Variants in ZNF333 observed in about 807,000 individuals in gnomAD.
ZNF333 encodes zinc finger protein 333.
ZNF333 carries 61 observed loss-of-function variants against 76.1 expected under a neutral mutation model. The ratio of observed to expected loss-of-function variants is 0.80; its 90% CI spans 0.65 to 0.99. The LOEUF is 0.99. Ranked by LOEUF, ZNF333 falls within the 50% of genes least tolerant of loss-of-function variation. The pLI, the probability that ZNF333 is intolerant of heterozygous loss-of-function variation, is 0.00. For synonymous variants in ZNF333, 284 were observed against 305.0 expected, an observed-to-expected ratio of 0.93 and a Z score of 0.72; for missense variants, 717 against 822.4, an observed-to-expected ratio of 0.87 and a Z score of 1.57.
rs780133406 is a variant in ZNF333, at chr19:14,719,846, G to T, written c.*521G>T. 1.0e-6 allele frequency: 1 copy of T among 986,590 alleles called. No homozygotes were observed. Among genetic ancestry groups the T allele is most frequent in the Non-Finnish European group, 1.2e-6 (1 of 830,872 alleles). The allele number at this position is 986,590 out of a possible 1,614,324, so 61.1% of individuals were successfully genotyped here. On this transcript the variant is annotated 3_prime_UTR_variant, in exon 12 of 12. Transcript: ENST00000292530. ...AAATTACCCCTTCCTCCTTAGAAAA[G>T]AACCTGGGTTTTCTGTTCAGATTGG...
chr19:14,702,734 A>G (rs1216229173), intron 5 of ZNF333, among the ~76,000 whole-genome samples: 1 of 152,178 alleles, frequency 6.6e-6, no homozygotes. Flanking sequence ...CTGCTGATAA[A>G]GAGATACCCG....
chr19:14,700,129 C>T (rs3861316), intron 5 of ZNF333: 18,431 of 152,404 alleles, frequency 0.12, 1,325 homozygotes, highest in African/African-American at 0.2. Context: ...CTCAGCCTCC[C>T]GAGTACCTGG....
downstream of ZNF333, among the ~76,000 whole-genome samples, chr19:14,724,256 TAC>T (rs757802388): frequency 1.3e-5 from 2 of 152,302 alleles, no homozygotes; most frequent in South Asian, 2.1e-4. Flanking sequence ...GTCTGAGAAA[TAC>T]ACACACTTTA....
chr19:14,713,773 CAT>C (rs906973054), intron 7 of ZNF333, among the ~76,000 whole-genome samples: 5 of 151,868 alleles, frequency 3.3e-5, no homozygotes, highest in Admixed American at 1.3e-4. Context: ...GCCTGGGCAA[CAT>C]AGTGAGACCC....
rs868577510 is a variant in ZNF333, at chr19:14,716,855, T to C, written c.728-139T>C. The stretch of plus-strand genomic sequence containing the variant: ...GTATTTAGTTGCTCAGTGGAAGAGT[T>C]TGGCTGTGGCCATCAGAATTTAGGC... On this transcript the variant is annotated intron_variant, in intron 9 of 11. Coordinates refer to ENST00000292530, the MANE Select transcript of ZNF333 (RefSeq NM_032433.4). 46 of 679,526 alleles carry C rather than the reference T, an allele frequency of 6.8e-5. 1 individual carries two copies. Among genetic ancestry groups the C allele is most frequent in the South Asian group, 3.6e-4 (19 of 52,820 alleles). 42.1% of individuals were successfully genotyped at this position (679,526 alleles called of 1,614,324 possible). A position where few individuals can be genotyped will look rare whatever the true frequency, so the allele number is the denominator to read the frequency against.
At chr19:14,727,307 T>C (rs2905824) in intron 11 of ZNF333, among the ~76,000 whole-genome samples, 152,153 of 152,230 alleles carry the variant, frequency 1, 76,038 homozygotes, top group African/African-American at 1. Flanking sequence ...GGATTACAGG[T>C]GTGAGCCACC....
At chr19:14,697,191 T>G (rs1483946228) in intron 4 of ZNF333, among the ~76,000 whole-genome samples, 1 of 152,202 alleles carries the variant, frequency 6.6e-6, no homozygotes, top group South Asian at 2.1e-4. Context: ...GTAGCATGAA[T>G]CAGAACTTAA....
At chr19:14,705,012 T>G in intron 5 of ZNF333, 42 bp from the exon 6 acceptor site, 2 of 1,591,582 alleles carry the variant, frequency 1.3e-6, no homozygotes, top group Non-Finnish European at 1.7e-6. Context: ...ACAGCTGTGG[T>G]GCCAACTCTG....
Position 14,695,102 on chromosome 19 carries a change from G to A in ZNF333, c.96G>A (p.Met32Ile). 1.2e-6 allele frequency: 2 copies of A among 1,614,096 alleles called. No individual in the cohort carries two copies. Among genetic ancestry groups the A allele is most frequent in the South Asian group, 1.1e-5 (1 of 91,086 alleles). Residue 32 changes from methionine to isoleucine, a missense_variant, in exon 3 of 12, where the codon ATG (methionine) becomes ATA (isoleucine). By Grantham distance (10) the Met-to-Ile change is conservative. Coordinates refer to ENST00000292530, the MANE Select transcript of ZNF333 (RefSeq NM_032433.4). ...SARRSLCKYR[M>I]LDQCRTLASR... ...GGAGGAGCCTGTGCAAATACAGGAT[G>A]CTTGACCAGTGCAGGACCCTGGCCT... is the stretch of plus-strand genomic sequence containing the variant.
intron 5 of ZNF333, 70 bp downstream of exon 5, chr19:14,699,351 A>G (rs753608824): frequency 5.1e-5 from 69 of 1,346,866 alleles, no homozygotes; most frequent in Non-Finnish European, 6.7e-5. Flanking sequence ...GTGGAAATAC[A>G]GGACCAGAGC....
chr19:14,730,963 G>T (rs8106583), intron 11 of ZNF333, among the ~76,000 whole-genome samples: 1 of 151,670 alleles, frequency 6.6e-6, no homozygotes, highest in Admixed American at 6.6e-5. Context: ...GCATTCATGT[G>T]GCTGCAAAAC....
rs746672625 is a variant in ZNF333, at chr19:14,695,125, C to A, written c.119C>A (p.Ala40Asp). ...ATGCTTGACCAGTGCAGGACCCTGG[C>A]CTCCAGGGGTAAGGCTGGCGTCACC... ...YRMLDQCRTL[A>D]SRGTPPCKPS... Residue 40 changes from alanine (A) to aspartate (D), a missense_variant, in exon 3 of 12, where the codon GCC becomes GAC. By Grantham distance (126) the Ala-to-Asp change is moderately radical. Coordinates refer to ENST00000292530, the MANE Select transcript of ZNF333 (RefSeq NM_032433.4). 6.2e-7 allele frequency: 1 copy of A among 1,613,498 alleles called. No homozygotes were observed. The highest frequency in any genetic ancestry group is 1.1e-5 in the South Asian group (1 of 91,070).
At chr19:14,690,768 C>T (rs1972705100) in intron 1 of ZNF333, among the ~76,000 whole-genome samples, 1 of 152,174 alleles carries the variant, frequency 6.6e-6, no homozygotes, top group Admixed American at 6.5e-5. Flanking sequence ...TTTTCCATAA[C>T]TTTTTCTTTC....
chr19:14,703,823 C>T (rs1733675299), intron 5 of ZNF333, among the ~76,000 whole-genome samples: 1 of 152,168 alleles, frequency 6.6e-6, no homozygotes, highest in Non-Finnish European at 1.5e-5. Context: ...GGCATGTGGG[C>T]TGTGGGTCAC....
chr19:14,730,918 T>C (rs1282045595), intron 11 of ZNF333, among the ~76,000 whole-genome samples: 1 of 152,006 alleles, frequency 6.6e-6, no homozygotes, highest in African/African-American at 2.4e-5. Context: ...TATTTGGTTT[T>C]CTAAGTTAAT....
intron 11 of ZNF333, among the ~76,000 whole-genome samples, chr19:14,729,119 G>GT (rs1444726673): frequency 2.6e-5 from 4 of 152,140 alleles, no homozygotes; most frequent in Non-Finnish European, 5.9e-5. Context: ...CGGGAAGGCT[G>GT]TTTATAGTAA....
intron 11 of ZNF333, among the ~76,000 whole-genome samples, chr19:14,727,690 C>G (rs1056909202): frequency 2.0e-5 from 3 of 151,612 alleles, no homozygotes; most frequent in African/African-American, 7.3e-5. Context: ...CAAACTATAT[C>G]ATGTACCTAT....
chr19:14,700,952 C>T (rs1236821233), intron 5 of ZNF333, among the ~76,000 whole-genome samples: 1 of 152,182 alleles, frequency 6.6e-6, no homozygotes, highest in East Asian at 1.9e-4. Flanking sequence ...GAAGCCTCAA[C>T]CCTGTGCAGC....
Position 14,721,706 on chromosome 19 carries a change from A to G in ZNF333, c.*2381A>G, listed in dbSNP as rs1599761531. The G allele has an allele frequency of 6.6e-6, 1 of 152,226 alleles. No homozygotes were observed. The highest frequency in any genetic ancestry group is 6.5e-5 in the Admixed American group (1 of 15,276). The allele number at this position is 152,226 out of a possible 1,614,324, so 9.4% of individuals were successfully genotyped here. A position where few individuals can be genotyped will look rare whatever the true frequency, so the allele number is the denominator to read the frequency against. The stretch of plus-strand genomic sequence containing the variant: ...TGAGTTCTGTCCTCCAGGTTCATCC[A>G]TGTTATCACAAATGACAGAATTTCC... On this transcript the variant is annotated 3_prime_UTR_variant, in exon 12 of 12. Transcript: ENST00000292530.
Sources: gnomAD v4.1 joint callset for allele counts (sites outside exome capture counted in the v4.1 genomes callset) on GRCh38, gnomAD v4.1.1 for gene constraint, MANE v1.5 for transcripts, NCBI Gene and HGNC (gene_info 2026-07-23, HGNC 2026-07-21) for gene names.